The following JAZF1 variants were observed in gnomAD, a reference collection of about 807,000 sequenced individuals.
JAZF1 encodes the protein JAZF zinc finger 1, also known as juxtaposed with another zinc finger protein 1.
Under a neutral mutation model 26.4 loss-of-function variants are expected in JAZF1, and 8 were observed. That is an observed-to-expected ratio of 0.30 (90% CI 0.18 to 0.55). The LOEUF (loss-of-function observed/expected upper bound fraction) is 0.55, where lower values mean the gene tolerates loss of function less well. Ranked by LOEUF, JAZF1 falls within the 20% of genes least tolerant of loss-of-function variation. JAZF1 has a pLI of 0.94. For missense variants in JAZF1, 199 were observed against 322.0 expected (o/e 0.62, Z 2.92); for synonymous variants, 126 against 122.3 (o/e 1.03, Z -0.20).
rs574556947 is a variant in JAZF1, at chr7:28,166,129, A to ATATAT, written c.115+14333_115+14334insATATA. ...CCTTGGTTACATATATATATATATA[A>ATATAT]AAAAAGTTGGAAACCACTTTCTTAC... is the stretch of plus-strand genomic sequence containing the variant. On this transcript the variant is annotated intron_variant, in intron 1 of 4. Transcript: ENST00000283928. 7.9e-5 allele frequency among the ~76,000 whole-genome samples: 12 copies of ATATAT among 152,066 alleles called. No homozygotes were observed. The South Asian group carries it at 1.7e-3, about 21-fold the overall frequency.
chr7:28,043,474 T>C lies in JAZF1; in HGVS notation c.116-51493A>G, dbSNP rs75627558. ...CTACTTTTTATTCATATTTGTGCTC[T>C]CCTGGCCTAGACAAGGGCTGGATAC... On this transcript the variant is annotated intron_variant, in intron 1 of 4. Transcript: ENST00000283928. 5.2e-3 allele frequency among the ~76,000 whole-genome samples: 794 copies of C among 152,142 alleles called. 4 individuals carry two copies. Among genetic ancestry groups the C allele is most frequent in the Middle Eastern group, 0.014 (4 of 294 alleles).
chr7:28,081,644 C>T (rs34448053), intron 1 of JAZF1, among the ~76,000 whole-genome samples: 10 of 152,064 alleles, frequency 6.6e-5, no homozygotes, highest in Admixed American at 3.3e-4. Context: ...CCAGAAGCCT[C>T]GACACCACCA....
chr7:28,058,976 G>C (rs201389163), intron 1 of JAZF1, among the ~76,000 whole-genome samples: 2 of 152,116 alleles, frequency 1.3e-5, no homozygotes, highest in East Asian at 3.8e-4. Flanking sequence ...AAACCAATTA[G>C]AGTGACAAAG....
intron 1 of JAZF1, among the ~76,000 whole-genome samples, chr7:28,056,395 C>T (rs1400087481): frequency 6.6e-6 from 1 of 151,112 alleles, no homozygotes; most frequent in African/African-American, 2.4e-5. Flanking sequence ...CAAAGGGCAA[C>T]ATCACGTGGC....
chr7:28,025,095 C>G (rs1783069911), intron 1 of JAZF1, among the ~76,000 whole-genome samples: 1 of 152,184 alleles, frequency 6.6e-6, no homozygotes, highest in Non-Finnish European at 1.5e-5. Flanking sequence ...TCTATAATCC[C>G]CAATCCTAAC....
chr7:28,140,083 CT>C (rs67016749), intron 1 of JAZF1, among the ~76,000 whole-genome samples: 89,442 of 125,028 alleles, frequency 0.72, 31,180 homozygotes, highest in East Asian at 0.94. Context: ...AGTCACAAAT[CT>C]TTTTTTTTTT....
intron 1 of JAZF1, among the ~76,000 whole-genome samples, chr7:28,146,137 A>C (rs918675763): frequency 3.9e-5 from 6 of 152,198 alleles, no homozygotes; most frequent in African/African-American, 1.4e-4. Flanking sequence ...CAAAAATAGC[A>C]CCTGTCAGGA....
chr7:28,127,279 G>A (rs17156443), intron 1 of JAZF1, among the ~76,000 whole-genome samples: 5,954 of 152,244 alleles, frequency 0.039, 357 homozygotes, highest in African/African-American at 0.13. Flanking sequence ...TATTAAATGC[G>A]AATGCCCTTT....
At chr7:27,854,972 A>G (rs936343392) in intron 3 of JAZF1, among the ~76,000 whole-genome samples, 3 of 152,182 alleles carry the variant, frequency 2.0e-5, no homozygotes, top group Admixed American at 6.5e-5. Context: ...ACTTGGTTCC[A>G]TTCCCCACTT....
At chr7:28,061,986 G>A (rs959993234) in intron 1 of JAZF1, among the ~76,000 whole-genome samples, 3 of 152,218 alleles carry the variant, frequency 2.0e-5, no homozygotes, top group Non-Finnish European at 4.4e-5. Flanking sequence ...AACGGTGAAG[G>A]ACGGAGTGGG....
intron 2 of JAZF1, among the ~76,000 whole-genome samples, chr7:27,963,083 G>C (rs1349423274): frequency 6.6e-6 from 1 of 152,180 alleles, no homozygotes; most frequent in Non-Finnish European, 1.5e-5. Context: ...TTCAGATTGT[G>C]CTGCAAAGTT....
intron 1 of JAZF1, among the ~76,000 whole-genome samples, chr7:28,135,991 G>A (rs1453484996): frequency 6.6e-6 from 1 of 152,158 alleles, no homozygotes; most frequent in East Asian, 1.9e-4. Context: ...ATTGCCAACT[G>A]TACAAATACC....
chr7:28,048,024 T>C (rs1271313240), intron 1 of JAZF1, among the ~76,000 whole-genome samples: 2 of 152,170 alleles, frequency 1.3e-5, no homozygotes, highest in African/African-American at 2.4e-5. Flanking sequence ...AATCTGTCCC[T>C]AGTATCGTTG....
chr7:27,835,666 A>C (rs976180026), intron 4 of JAZF1, among the ~76,000 whole-genome samples: 1 of 152,180 alleles, frequency 6.6e-6, no homozygotes, highest in African/African-American at 2.4e-5. Flanking sequence ...TGTTAGTACA[A>C]GGTCAAGTGA....
chr7:28,173,143 G>A (rs1387341313), intron 1 of JAZF1, among the ~76,000 whole-genome samples: 2 of 152,218 alleles, frequency 1.3e-5, no homozygotes, highest in Non-Finnish European at 2.9e-5. Context: ...CAAGGAATGC[G>A]TTGTACAAGT....
chr7:28,148,647 T>C (rs1783063354), intron 1 of JAZF1, among the ~76,000 whole-genome samples: 1 of 152,246 alleles, frequency 6.6e-6, no homozygotes, highest in African/African-American at 2.4e-5. Flanking sequence ...CATTCATTCA[T>C]TTATCCATCC....
chr7:28,000,756 T>G (rs1354031039), intron 1 of JAZF1, among the ~76,000 whole-genome samples: 1 of 151,648 alleles, frequency 6.6e-6, no homozygotes, highest in Non-Finnish European at 1.5e-5. Flanking sequence ...GTAGCTGGGA[T>G]TACAGGCATC....
intron 2 of JAZF1, among the ~76,000 whole-genome samples, chr7:27,935,986 C>T (rs1784758500): frequency 6.6e-6 from 1 of 152,148 alleles, no homozygotes; most frequent in Non-Finnish European, 1.5e-5. Flanking sequence ...GTGCTCACTC[C>T]CAGTACCTCG....
At chr7:28,000,192 GAA>G (rs1200636721) in intron 1 of JAZF1, among the ~76,000 whole-genome samples, 3 of 152,162 alleles carry the variant, frequency 2.0e-5, no homozygotes, top group Non-Finnish European at 4.4e-5. Context: ...AGATACTTCA[GAA>G]GAGTGGTTCT....
Sources: gnomAD v4.1 joint callset for allele counts (sites outside exome capture counted in the v4.1 genomes callset) on GRCh38, gnomAD v4.1.1 for gene constraint, MANE v1.5 for transcripts, NCBI Gene and HGNC (gene_info 2026-07-23, HGNC 2026-07-21) for gene names.